CNTN4: variants seen among roughly 807,000 people sequenced by gnomAD.
CNTN4 encodes the protein contactin 4.
In CNTN4, 77 loss-of-function variants were observed where a neutral mutation model predicts 122.5. The observed-to-expected ratio is 0.63, with a 90% CI of 0.52 to 0.76. The LOEUF is 0.76. CNTN4 is among the 30% of genes least tolerant of loss of function. CNTN4 has a pLI of 0.00. For missense variants in CNTN4, 1,256 were observed against 1,259.1 expected, an observed-to-expected ratio of 1.00 and a Z score of 0.04; for synonymous variants, 512 against 447.0, an observed-to-expected ratio of 1.15 and a Z score of -1.83.
At chr3:2,180,489 G>T (rs1365470176) in intron 2 of CNTN4, among the ~76,000 whole-genome samples, 1 of 151,984 alleles carries the variant, frequency 6.6e-6, no homozygotes, top group Non-Finnish European at 1.5e-5. Flanking sequence ...GGGTCCACTT[G>T]CTCATTGATA....
intron 3 of CNTN4, among the ~76,000 whole-genome samples, chr3:2,554,093 G>A (rs528384659): frequency 6.6e-6 from 1 of 152,098 alleles, no homozygotes; most frequent in African/African-American, 2.4e-5. Flanking sequence ...CTCCTGTCTG[G>A]CCAAAATTAA....
At chr3:2,968,778 A>G (rs1692583525) in intron 13 of CNTN4, among the ~76,000 whole-genome samples, 2 of 152,112 alleles carry the variant, frequency 1.3e-5, no homozygotes, top group Admixed American at 1.3e-4. Context: ...GGACAGTTAT[A>G]ATCAGGATGG....
chr3:2,922,440 G>A (rs960000661), intron 12 of CNTN4, among the ~76,000 whole-genome samples: 1 of 151,908 alleles, frequency 6.6e-6, no homozygotes, highest in Non-Finnish European at 1.5e-5. Flanking sequence ...CACAAAATGG[G>A]AGAATGTTAA....
At chr3:2,676,953 A>G (rs1278617362) in intron 4 of CNTN4, among the ~76,000 whole-genome samples, 1 of 152,126 alleles carries the variant, frequency 6.6e-6, no homozygotes, top group Non-Finnish European at 1.5e-5. Context: ...TAGACTTTTC[A>G]ATCTGTAAAT....
intron 6 of CNTN4, among the ~76,000 whole-genome samples, chr3:2,811,941 C>T (rs1017699801): frequency 3.9e-5 from 6 of 152,194 alleles, no homozygotes; most frequent in African/African-American, 1.4e-4. Context: ...GCGGCGATTA[C>T]AGGCATGAGC....
chr3:2,976,809 A>G (rs1693457283), intron 13 of CNTN4, among the ~76,000 whole-genome samples: 1 of 152,198 alleles, frequency 6.6e-6, no homozygotes, highest in Non-Finnish European at 1.5e-5. Flanking sequence ...CTAAAAGTTA[A>G]AATACCTTTT....
At chr3:2,287,685 GAAGAA>G (rs1559415637) in intron 2 of CNTN4, among the ~76,000 whole-genome samples, 3 of 90,062 alleles carry the variant, frequency 3.3e-5, no homozygotes, top group African/African-American at 1.2e-4. Context: ...AGAAGAAGAA[GAAGAA>G]GAGGAAGAAG....
chr3:2,194,322 G>A (rs2149355009), intron 2 of CNTN4, among the ~76,000 whole-genome samples: 2 of 152,080 alleles, frequency 1.3e-5, no homozygotes, highest in Middle Eastern at 6.8e-3. Context: ...TTAGCCAGGT[G>A]TGGTGGTGTG....
chr3:2,497,978 CAACT>C (rs2076497671), intron 3 of CNTN4, among the ~76,000 whole-genome samples: 1 of 152,048 alleles, frequency 6.6e-6, no homozygotes, highest in Non-Finnish European at 1.5e-5. Context: ...CACCCATAAT[CAACT>C]ATTACTAAAA....
At chr3:2,101,746 A>C (rs1313063899) in intron 2 of CNTN4, among the ~76,000 whole-genome samples, 1 of 150,828 alleles carries the variant, frequency 6.6e-6, no homozygotes, top group African/African-American at 2.5e-5. Context: ...ATGATACACT[A>C]CTTATAAAAC....
At chr3:2,568,389 G>A (rs1384508293) in intron 3 of CNTN4, among the ~76,000 whole-genome samples, 1 of 148,730 alleles carries the variant, frequency 6.7e-6, no homozygotes, top group African/African-American at 2.5e-5. Context: ...CTCAATGAGA[G>A]AAAGCAATCG....
chr3:2,835,847 G>T (rs1351019628), intron 7 of CNTN4, among the ~76,000 whole-genome samples: 1 of 151,956 alleles, frequency 6.6e-6, no homozygotes, highest in African/African-American at 2.4e-5. Flanking sequence ...TTCACCTCAT[G>T]CAATTCAAAG....
At chr3:2,158,379 C>G (rs1249978479) in intron 2 of CNTN4, among the ~76,000 whole-genome samples, 3 of 152,112 alleles carry the variant, frequency 2.0e-5, no homozygotes, top group African/African-American at 7.2e-5. Context: ...GACAGACAAG[C>G]TTTGATTTAA....
rs1378274158 is a variant in CNTN4, at chr3:2,822,938, CATTA to C, written c.454+3359_454+3362del. 1.7e-3 allele frequency among the ~76,000 whole-genome samples: 260 copies of C among 152,260 alleles called. 1 individual carries two copies. Among genetic ancestry groups the C allele is most frequent in the African/African-American group, 5.9e-3 (247 of 41,542 alleles). On this transcript the variant is annotated intron_variant, in intron 7 of 24. Coordinates refer to ENST00000418658, the MANE Select transcript of CNTN4 (RefSeq NM_175607.3). ...TAAGCTCTATTAGAAATGGCGTGCACATTAACGCTGTGGGCAAAGCAGGCACGGC... is the reference window on the plus strand; with the variant it reads ...TAAGCTCTATTAGAAATGGCGTGCACACGCTGTGGGCAAAGCAGGCACGGC...
At chr3:2,915,859 A>G (rs2094347933) in intron 12 of CNTN4, among the ~76,000 whole-genome samples, 1 of 152,196 alleles carries the variant, frequency 6.6e-6, no homozygotes, top group Non-Finnish European at 1.5e-5. Context: ...ACAATGGACT[A>G]TTATTTCTGT....
At chr3:2,478,405 T>C (rs1235367873) in intron 3 of CNTN4, among the ~76,000 whole-genome samples, 1 of 12,530 alleles carries the variant, frequency 8.0e-5, no homozygotes, top group African/African-American at 1.4e-4. Context: ...TCTTTATCTG[T>C]TTGTTTTTTT....
intron 23 of CNTN4, among the ~76,000 whole-genome samples, chr3:3,049,103 G>C (rs887253593): frequency 6.6e-6 from 1 of 152,132 alleles, no homozygotes. Flanking sequence ...TGTATTTTGA[G>C]ACAGAGTCTC....
chr3:2,618,014 A>G (rs1385723958), intron 4 of CNTN4, among the ~76,000 whole-genome samples: 1 of 152,196 alleles, frequency 6.6e-6, no homozygotes, highest in Non-Finnish European at 1.5e-5. Context: ...AATAGCAGCC[A>G]TCACTTTCTA....
At chr3:2,750,161 G>A (rs1305376748) in intron 6 of CNTN4, among the ~76,000 whole-genome samples, 1 of 152,148 alleles carries the variant, frequency 6.6e-6, no homozygotes, top group Non-Finnish European at 1.5e-5. Context: ...ACAGAGCCAA[G>A]GAAAGGCAGT....
Sources: gnomAD v4.1 joint callset for allele counts (sites outside exome capture counted in the v4.1 genomes callset) on GRCh38, gnomAD v4.1.1 for gene constraint, MANE v1.5 for transcripts, NCBI Gene and HGNC (gene_info 2026-07-23, HGNC 2026-07-21) for gene names.